RNF185: variants seen among roughly 807,000 people sequenced by gnomAD.
The protein encoded by RNF185 is E3 ubiquitin-protein ligase RNF185.
RNF185 carries 13 observed loss-of-function variants against 24.9 expected under a neutral mutation model. That is an observed-to-expected ratio of 0.52 (90% confidence interval 0.34 to 0.83). RNF185 has a LOEUF of 0.83. RNF185 is among the 40% of genes least tolerant of loss of function. RNF185 has a pLI of 0.01. For synonymous variants in RNF185, 79 were observed against 90.3 expected (o/e 0.88, Z 0.71); for missense variants, 184 against 244.7 (o/e 0.75, Z 1.65).
At position 31,206,786 on chromosome 22, in the gene RNF185, C is replaced by T. The variant is rs6651; in HGVS notation, c.*2200C>T. 0.41 allele frequency: 61,899 copies of T among 152,044 alleles called. 13,838 individuals carry two copies. Among genetic ancestry groups the T allele is most frequent in the Middle Eastern group, 0.57 (167 of 292 alleles). 9.4% of individuals were successfully genotyped at this position (152,044 alleles called of 1,614,324 possible). A position where few individuals can be genotyped will look rare whatever the true frequency, so the allele number is the denominator to read the frequency against. Reference sequence around the variant, plus strand: ...ACAGGGAGCCCCCTTCCCACCATCCCTCGGCAAGCTCACCACCTCATCCTT... The same window carrying T: ...ACAGGGAGCCCCCTTCCCACCATCCTTCGGCAAGCTCACCACCTCATCCTT... On this transcript the variant is annotated 3_prime_UTR_variant, in exon 7 of 7. Coordinates refer to ENST00000326132, the MANE Select transcript of RNF185 (RefSeq NM_152267.4).
chr22:31,198,654 C>T (rs531493308), intron 5 of RNF185, among the ~76,000 whole-genome samples: 9 of 149,640 alleles, frequency 6.0e-5, no homozygotes, highest in African/African-American at 2.2e-4. Context: ...CCTCCTTGGC[C>T]TCCCAAAGTG....
intron 5 of RNF185, chr22:31,197,244 T>A: frequency 2.5e-6 from 1 of 407,224 alleles, no homozygotes; most frequent in Admixed American, 4.1e-5. Flanking sequence ...TCTGTGCGTG[T>A]ATTTTACAGA....
intron 5 of RNF185, among the ~76,000 whole-genome samples, chr22:31,200,203 A>T (rs567239129): frequency 6.6e-6 from 1 of 152,146 alleles, no homozygotes; most frequent in Non-Finnish European, 1.5e-5. Flanking sequence ...CAAAAAATTT[A>T]AAAATTAGCA....
intron 3 of RNF185, among the ~76,000 whole-genome samples, chr22:31,193,580 G>C (rs907115953): frequency 3.9e-5 from 6 of 152,096 alleles, no homozygotes; most frequent in African/African-American, 7.2e-5. Flanking sequence ...GATCACTTGA[G>C]GCAAGGAGTT....
At chr22:31,174,868 G>A (rs549719530) in intron 1 of RNF185, among the ~76,000 whole-genome samples, 5 of 151,766 alleles carry the variant, frequency 3.3e-5, no homozygotes, top group Non-Finnish European at 5.9e-5. Flanking sequence ...TCAGGAGTTC[G>A]AGACCAGCTT....
At chr22:31,204,275 G>A (rs1176465068) in intron 6 of RNF185, among the ~76,000 whole-genome samples, 4 of 151,956 alleles carry the variant, frequency 2.6e-5, no homozygotes, top group African/African-American at 9.7e-5. Context: ...CCTGGGAAGC[G>A]GAGGTTGCAG....
At chr22:31,180,873 T>G (rs1056782691) in intron 1 of RNF185, among the ~76,000 whole-genome samples, 1 of 151,360 alleles carries the variant, frequency 6.6e-6, no homozygotes, top group African/African-American at 2.4e-5. Flanking sequence ...AAATAACTGT[T>G]GATGGTTTAA....
In RNF185 at chr22:31,195,476, A is replaced by G. The variant is rs771641297; in HGVS notation, c.203A>G (p.Glu68Gly). ...FCWPCLHQWL[E>G]TRPNRQVCPV... Reference sequence around the variant, plus strand: ...TTTCTCTCCTGTTTGCAGTGGTTGGAGACCAGACCTAACAGACAGGTGTGT... The same window carrying G: ...TTTCTCTCCTGTTTGCAGTGGTTGGGGACCAGACCTAACAGACAGGTGTGT... Residue 68 changes from glutamate to glycine, a missense_variant, in exon 4 of 7, where the codon GAG becomes GGG. Physicochemically the swap from Glu to Gly is moderately conservative, Grantham distance 98. Transcript: ENST00000326132. 1 of 1,604,388 alleles carries G rather than the reference A, an allele frequency of 6.2e-7. No homozygotes were observed. The highest frequency in any genetic ancestry group is 8.5e-7 in the Non-Finnish European group (1 of 1,175,618).
chr22:31,171,365 G>C (rs1009697377), intron 1 of RNF185, among the ~76,000 whole-genome samples: 3 of 149,624 alleles, frequency 2.0e-5, no homozygotes, highest in African/African-American at 7.4e-5. Flanking sequence ...GTTTTTAGTA[G>C]AGACAGGGTT....
Position 31,166,943 on chromosome 22 carries a change from C to T in RNF185, c.-49+6640C>T, listed in dbSNP as rs547325878. Among the ~76,000 whole-genome samples the T allele has an allele frequency of 2.6e-5, 4 of 152,316 alleles. No homozygotes were observed. The South Asian group carries it at 8.3e-4, about 32-fold the overall frequency. ...GGGATTACAGGCGTGAGCCACCACACCTGGCCTATAAGCGTTACTTCTGAT... is the reference window on the plus strand; with the variant it reads ...GGGATTACAGGCGTGAGCCACCACATCTGGCCTATAAGCGTTACTTCTGAT... On this transcript the variant is annotated intron_variant, in intron 1 of 6. Coordinates refer to ENST00000326132, the MANE Select transcript of RNF185 (RefSeq NM_152267.4).
rs1195050018 is a variant in RNF185 at position 31,201,377 on chromosome 22, C to T, written c.364-121C>T. The T allele has an allele frequency of 9.2e-6, 7 of 760,476 alleles. No individual in the cohort carries two copies. The East Asian group carries it at 1.7e-4, about 19-fold the overall frequency. The allele number at this position is 760,476 out of a possible 1,614,324, so 47.1% of individuals were successfully genotyped here. ...TGTCCCCCACCTTCGAAACATGTGG[C>T]ACAAGGTAGGGAGAAGAGGCAGGTG... On this transcript the variant is annotated intron_variant, in intron 5 of 6. Transcript: ENST00000326132.
rs114600768 is a variant in RNF185 at position 31,202,956 on chromosome 22, C to G, written c.481+1341C>G. On this transcript the variant is annotated intron_variant, in intron 6 of 6. Coordinates refer to ENST00000326132, the MANE Select transcript of RNF185 (RefSeq NM_152267.4). The stretch of plus-strand genomic sequence containing the variant: ...TACTTTATCTGCCTTGAAGGTTTAT[C>G]CTCTGTTCACATTTGTTTTTCAGAG... Among the ~76,000 whole-genome samples, 541 of 152,260 alleles carry G rather than the reference C, an allele frequency of 3.6e-3. 6 individuals carry two copies. Among genetic ancestry groups the G allele is most frequent in the African/African-American group, 0.013 (520 of 41,556 alleles).
intron 2 of RNF185, among the ~76,000 whole-genome samples, chr22:31,190,804 A>G (rs1203768143): frequency 6.6e-5 from 10 of 151,226 alleles, no homozygotes; most frequent in Non-Finnish European, 1.0e-4. Context: ...GGGTTTCACC[A>G]TGTTGGCCAG....
At chr22:31,180,409 G>A (rs943168331) in intron 1 of RNF185, among the ~76,000 whole-genome samples, 2 of 147,670 alleles carry the variant, frequency 1.4e-5, no homozygotes, top group African/African-American at 5.0e-5. Context: ...AGGTTGCAGT[G>A]AGCCGAGATC....
intron 1 of RNF185, among the ~76,000 whole-genome samples, chr22:31,182,111 T>G (rs2048044247): frequency 7.2e-6 from 1 of 139,564 alleles, no homozygotes; most frequent in Non-Finnish European, 1.6e-5. Flanking sequence ...AGTAATTCCT[T>G]TTTTTTTTTT....
At chr22:31,173,661 G>A (rs2047954020) in intron 1 of RNF185, among the ~76,000 whole-genome samples, 2 of 152,156 alleles carry the variant, frequency 1.3e-5, no homozygotes. Context: ...CCCAAGGGAT[G>A]CTAATGATGA....
At chr22:31,199,912 A>C (rs2048244027) in intron 5 of RNF185, among the ~76,000 whole-genome samples, 1 of 152,176 alleles carries the variant, frequency 6.6e-6, no homozygotes. Context: ...CTTGCAAAAA[A>C]CTCATAAATG....
intron 1 of RNF185, among the ~76,000 whole-genome samples, chr22:31,179,290 C>G (rs2048012103): frequency 6.6e-6 from 1 of 152,152 alleles, no homozygotes. Flanking sequence ...GGGCCACTGT[C>G]CCAGTCCTGG....
intron 1 of RNF185, among the ~76,000 whole-genome samples, chr22:31,174,371 T>A (rs935167402): frequency 8.2e-5 from 8 of 97,538 alleles, no homozygotes; most frequent in African/African-American, 2.6e-4. Flanking sequence ...TTTCACTCTT[T>A]AAAAAAAATT....
Sources: gnomAD v4.1 joint callset for allele counts (sites outside exome capture counted in the v4.1 genomes callset) on GRCh38, gnomAD v4.1.1 for gene constraint, MANE v1.5 for transcripts, NCBI Gene and HGNC (gene_info 2026-07-23, HGNC 2026-07-21) for gene names.